NDRG4: variants seen among roughly 807,000 people sequenced by gnomAD.
NDRG4 encodes the protein protein NDRG4.
Under a neutral mutation model 55.8 loss-of-function variants are expected in NDRG4, and 38 were observed. The observed-to-expected ratio is 0.68, with a 90% CI of 0.53 to 0.89. NDRG4 has a LOEUF of 0.89. Among genes scored for constraint, NDRG4 ranks in the 40% least tolerant of loss-of-function variants. The pLI is 0.00. For missense variants in NDRG4, 455 were observed against 468.6 expected (o/e 0.97, Z 0.27); for synonymous variants, 190 against 182.7 (o/e 1.04, Z -0.32).
At chr16:58,508,177 C>T (rs971624913) in intron 10 of NDRG4, among the ~76,000 whole-genome samples, 178 bp downstream of exon 10, 3 of 152,210 alleles carry the variant, frequency 2.0e-5, no homozygotes, top group African/African-American at 4.8e-5. Context: ...CTGGCATAGC[C>T]CCCATCCTTC....
chr16:58,466,446 G>T (rs923964308), intron 1 of NDRG4, among the ~76,000 whole-genome samples: 2 of 152,222 alleles, frequency 1.3e-5, no homozygotes, highest in African/African-American at 2.4e-5. Flanking sequence ...GCTCAAGCAG[G>T]GGTCTAGGCT....
chr16:58,483,083 G>GC (rs2034660597), intron 1 of NDRG4, among the ~76,000 whole-genome samples: 1 of 152,054 alleles, frequency 6.6e-6, no homozygotes, highest in Admixed American at 6.6e-5. Context: ...ACCGTGCCCA[G>GC]CCCCCCAGTG....
At chr16:58,472,631 A>G (rs2033033965) in intron 1 of NDRG4, among the ~76,000 whole-genome samples, 1 of 152,156 alleles carries the variant, frequency 6.6e-6, no homozygotes, top group Non-Finnish European at 1.5e-5. Context: ...AGACTGATAC[A>G]AAGAGAGGAA....
chr16:58,507,777 C>T, intron 8 of NDRG4, 31 bp from the exon 9 acceptor site: 2 of 1,610,538 alleles, frequency 1.2e-6, no homozygotes, highest in Non-Finnish European at 1.7e-6. Flanking sequence ...GGGTGCCCAC[C>T]TCTGCCTCTG....
chr16:58,504,646 T>G lies in NDRG4; in HGVS notation c.369T>G (p.Phe123Leu), dbSNP rs1379979002. ...CCGGAGCCTATGTGCTGGCCAAGTT[T>G]GCAGTGAGTCTCCCCATGCCCCCAT... is the stretch of plus-strand genomic sequence containing the variant. ...VGAGAYVLAK[F>L]ALIFPDLVEG... Residue 123 changes from phenylalanine (F) to leucine (L), a missense_variant, in exon 5 of 15, where the codon TTT (phenylalanine) becomes TTG (leucine). Physicochemically the swap from Phe to Leu is conservative, Grantham distance 22. Transcript: ENST00000570248. 1 of 1,614,228 alleles carries G rather than the reference T, an allele frequency of 6.2e-7. No homozygotes were observed. The highest frequency in any genetic ancestry group is 1.1e-5 in the South Asian group (1 of 91,088).
intron 1 of NDRG4, among the ~76,000 whole-genome samples, chr16:58,470,931 G>A (rs1180813636): frequency 2.0e-5 from 3 of 148,398 alleles, no homozygotes; most frequent in South Asian, 2.1e-4. Flanking sequence ...AAAAAAAGAG[G>A]GAAGCAGGGG....
chr16:58,465,483 G>A (rs999542551), intron 1 of NDRG4, among the ~76,000 whole-genome samples: 17 of 151,756 alleles, frequency 1.1e-4, no homozygotes, highest in Middle Eastern at 6.8e-3. Context: ...CATGCTCTGG[G>A]GTGTGAGAGA....
In NDRG4 at chr16:58,512,594, C is replaced by A. The variant is rs903339337; in HGVS notation, c.*1018C>A. ...AGAGAGAGTTTATTTAGTCAACTGG[C>A]CCAAGGCAGCGAGGCTTCTACAGTC... On this transcript the variant is annotated 3_prime_UTR_variant, in exon 15 of 15. Transcript: ENST00000570248. The A allele has an allele frequency of 1.2e-5, 2 of 161,400 alleles. No homozygotes were observed. The highest frequency in any genetic ancestry group is 4.8e-5 in the African/African-American group (2 of 41,446). The allele number at this position is 161,400 out of a possible 1,614,324, so 10.0% of individuals were successfully genotyped here.
At chr16:58,485,461 C>T (rs988290866) in intron 1 of NDRG4, among the ~76,000 whole-genome samples, 2 of 152,012 alleles carry the variant, frequency 1.3e-5, no homozygotes, top group South Asian at 2.1e-4. Flanking sequence ...CATAACAGGC[C>T]GGGGGAGGGG....
chr16:58,500,094 A>C (rs2036875199), upstream of NDRG4: 1 of 1,508,976 alleles, frequency 6.6e-7, no homozygotes, highest in African/African-American at 1.4e-5. Flanking sequence ...GGGGCTAGCT[A>C]GGCTGGGCCA....
chr16:58,495,012 G>A, intron 3 of NDRG4: 1 of 1,613,172 alleles, frequency 6.2e-7, no homozygotes, highest in Non-Finnish European at 8.5e-7. Context: ...CTGGAAGGTA[G>A]GTCAAGGCTC....
chr16:58,498,066 TGGAGTG>T (rs1485847785), upstream of NDRG4, among the ~76,000 whole-genome samples: 1 of 152,024 alleles, frequency 6.6e-6, no homozygotes, highest in Admixed American at 6.5e-5. Flanking sequence ...GGCTGTGGCT[TGGAGTG>T]GGCAGTGTCG....
chr16:58,510,216 C>G (rs1432597723), intron 13 of NDRG4, among the ~76,000 whole-genome samples: 1 of 152,182 alleles, frequency 6.6e-6, no homozygotes, highest in Non-Finnish European at 1.5e-5. Flanking sequence ...CGCAGGAGCA[C>G]AGAGTCTGGA....
At chr16:58,507,591 G>A in intron 8 of NDRG4, 2 of 559,504 alleles carry the variant, frequency 3.6e-6, no homozygotes, top group South Asian at 2.6e-5. Flanking sequence ...ACAGGTGGCG[G>A]TGCGCATGGC....
At chr16:58,504,560 C>T (rs753509916) in intron 4 of NDRG4, 29 bp from the exon 5 acceptor site, 1 of 1,614,070 alleles carries the variant, frequency 6.2e-7, no homozygotes, top group Non-Finnish European at 8.5e-7. Flanking sequence ...CACCCCTAGC[C>T]CTAGAGTGAC....
At chr16:58,494,063 C>G (rs1433090220) in intron 2 of NDRG4, among the ~76,000 whole-genome samples, 1 of 152,202 alleles carries the variant, frequency 6.6e-6, no homozygotes. Context: ...GAGCCTCTCT[C>G]CCCTCATCGG....
chr16:58,508,051 T>A (rs1235981147), intron 10 of NDRG4, 52 bp downstream of exon 10: 1 of 1,463,366 alleles, frequency 6.8e-7, no homozygotes. Context: ...GGTGAGGGGC[T>A]CACTGGCCCC....
At position 58,503,199 on chromosome 16, in the gene NDRG4, A is replaced by AG. The variant is rs144524215; in HGVS notation, c.22-593dup. 9.3e-3 allele frequency among the ~76,000 whole-genome samples: 1,415 copies of AG among 152,140 alleles called. 14 individuals carry two copies. Among genetic ancestry groups the AG allele is most frequent in the African/African-American group, 0.033 (1,360 of 41,500 alleles). On this transcript the variant is annotated intron_variant, in intron 1 of 14. Transcript: ENST00000570248. ...CAGAAGGCCTCTAGAGGGGATGGGG[A>AG]GGGGGGTCTGACCCGGGCCTGCCTG... is the stretch of plus-strand genomic sequence containing the variant.
chr16:58,506,152 GTGTGTC>G (rs747009396), intron 5 of NDRG4: 15,975 of 563,812 alleles, frequency 0.028, 131 homozygotes, highest in East Asian at 0.17. Flanking sequence ...GTGTGTGTGT[GTGTGTC>G]TGTGTGTGTG....
Sources: allele counts gnomAD v4.1 joint callset (sites outside exome capture counted in the v4.1 genomes callset), GRCh38; gene constraint gnomAD v4.1.1; transcripts MANE v1.5; gene names NCBI Gene and HGNC (gene_info 2026-07-23, HGNC 2026-07-21).